PDE11A: variants seen among roughly 807,000 people sequenced by gnomAD.
The protein encoded by PDE11A is dual 3',5'-cyclic-AMP and -GMP phosphodiesterase 11A.
A neutral mutation model predicts 100.5 loss-of-function variants in PDE11A; 100 were observed. That is an observed-to-expected ratio of 1.00 (90% CI 0.85 to 1.18). The LOEUF (loss-of-function observed/expected upper bound fraction) is 1.18, where lower values mean the gene tolerates loss of function less well. PDE11A is among the 50% of genes most tolerant of loss of function. The pLI, the probability that PDE11A is intolerant of heterozygous loss-of-function variation, is 0.00. For synonymous variants in PDE11A, 381 were observed against 420.8 expected, an observed-to-expected ratio of 0.91 and a Z score of 1.16; for missense variants, 1,141 against 1,152.6, an observed-to-expected ratio of 0.99 and a Z score of 0.15.
intron 2 of PDE11A, among the ~76,000 whole-genome samples, chr2:177,979,611 C>CTTTTT (rs57168619): frequency 6.6e-5 from 7 of 106,856 alleles, no homozygotes; most frequent in African/African-American, 2.5e-4. Flanking sequence ...CTCAGATGAT[C>CTTTTT]TTTTTTTTTT....
In PDE11A at chr2:178,046,516, G is replaced by A. The variant is rs1234231603; in HGVS notation, c.912+25010C>T. 6.7e-5 allele frequency among the ~76,000 whole-genome samples: 10 copies of A among 148,706 alleles called. 1 individual carries two copies. Among genetic ancestry groups the A allele is most frequent in the Admixed American group, 4.0e-4 (6 of 15,124 alleles). ...TTCTACTTAGGTTTCTTGTTTGTTC[G>A]TTTGTTTGTTTGTTTGTTTTTATAA... On this transcript the variant is annotated intron_variant, in intron 1 of 19. Transcript: ENST00000286063.
At chr2:177,718,719 A>T (rs2081480471) in intron 12 of PDE11A, among the ~76,000 whole-genome samples, 1 of 152,148 alleles carries the variant, frequency 6.6e-6, no homozygotes, top group East Asian at 1.9e-4. Context: ...GTTGGCTTAA[A>T]TTTTTTCCTT....
intron 5 of PDE11A, among the ~76,000 whole-genome samples, chr2:177,845,362 C>T (rs1260114940): frequency 6.6e-6 from 1 of 150,596 alleles, no homozygotes; most frequent in Non-Finnish European, 1.5e-5. Flanking sequence ...GGGGTCTCGG[C>T]CGGGCAGAGG....
chr2:177,836,160 C>A (rs1412138705), intron 6 of PDE11A, among the ~76,000 whole-genome samples: 2 of 152,226 alleles, frequency 1.3e-5, no homozygotes, highest in Non-Finnish European at 2.9e-5. Flanking sequence ...CTTGGAGAAC[C>A]TTTATGTCTA....
At chr2:177,808,671 G>A (rs1445589784) in intron 9 of PDE11A, among the ~76,000 whole-genome samples, 1 of 152,154 alleles carries the variant, frequency 6.6e-6, no homozygotes, top group African/African-American at 2.4e-5. Context: ...GATGTGACAT[G>A]CTAGCAGACA....
chr2:177,932,347 A>G (rs2085218560), intron 2 of PDE11A, among the ~76,000 whole-genome samples: 1 of 152,196 alleles, frequency 6.6e-6, no homozygotes, highest in African/African-American at 2.4e-5. Context: ...TGGTAAAGAC[A>G]CAATGAAAAA....
intron 1 of PDE11A, among the ~76,000 whole-genome samples, chr2:178,066,330 G>A (rs1027625668): frequency 2.0e-5 from 3 of 152,180 alleles, no homozygotes; most frequent in African/African-American, 7.2e-5. Flanking sequence ...CATGTGACCA[G>A]TGCAGTGGCA....
chr2:177,651,151 T>C (rs190250419), intron 19 of PDE11A, among the ~76,000 whole-genome samples: 86 of 152,316 alleles, frequency 5.6e-4, no homozygotes, highest in Non-Finnish European at 1.0e-3. Context: ...AAAGTTAGTC[T>C]TGAGCACATA....
At chr2:177,633,589 TATG>T (rs2079989301) in intron 19 of PDE11A, among the ~76,000 whole-genome samples, 1 of 152,232 alleles carries the variant, frequency 6.6e-6, no homozygotes, top group African/African-American at 2.4e-5. Flanking sequence ...AGTTATTTCA[TATG>T]ATAATAAAAC....
chr2:177,631,575 A>G (rs1345141869), intron 19 of PDE11A, among the ~76,000 whole-genome samples: 2 of 23,902 alleles, frequency 8.4e-5, no homozygotes, highest in African/African-American at 2.7e-4. Context: ...ATATACATGT[A>G]TATATATATA....
At chr2:177,955,009 C>A (rs1421699296) in intron 2 of PDE11A, among the ~76,000 whole-genome samples, 2 of 152,130 alleles carry the variant, frequency 1.3e-5, no homozygotes, top group East Asian at 1.9e-4. Flanking sequence ...ACATCAGGAC[C>A]AGTGGAGCAT....
rs1609094 is a variant in PDE11A, at chr2:177,943,481, T to A, written c.1072-38294A>T. ...GAATTTTCATTCCTTTAATGATAAA[T>A]GATGTTGAGCATCTTTCCACATATG... is the stretch of plus-strand genomic sequence containing the variant. On this transcript the variant is annotated intron_variant, in intron 2 of 19. Transcript: ENST00000286063. Among the ~76,000 whole-genome samples, 686 of 152,360 alleles carry A rather than the reference T, an allele frequency of 4.5e-3. 2 individuals are homozygous for A. Among genetic ancestry groups the A allele is most frequent in the African/African-American group, 0.016 (663 of 41,582 alleles).
chr2:177,947,793 T>TAA (rs71010840), intron 2 of PDE11A, among the ~76,000 whole-genome samples: 6 of 26,792 alleles, frequency 2.2e-4, no homozygotes, highest in Non-Finnish European at 2.7e-4. Context: ...AATAAAAAAA[T>TAA]AAAAAAAAAA....
intron 2 of PDE11A, among the ~76,000 whole-genome samples, chr2:178,097,723 C>T (rs1232462668): frequency 6.6e-6 from 1 of 152,048 alleles, no homozygotes; most frequent in Non-Finnish European, 1.5e-5. Flanking sequence ...CTTCAAAATA[C>T]TGATAAAAAT....
intron 1 of PDE11A, among the ~76,000 whole-genome samples, chr2:178,064,784 T>G (rs1455124994): frequency 1.3e-5 from 2 of 151,902 alleles, no homozygotes; most frequent in Non-Finnish European, 2.9e-5. Flanking sequence ...CATAGTAAGA[T>G]CTTGTCTCTA....
At chr2:178,060,185 A>G (rs972786127) in intron 1 of PDE11A, among the ~76,000 whole-genome samples, 3 of 152,200 alleles carry the variant, frequency 2.0e-5, no homozygotes, top group African/African-American at 7.2e-5. Flanking sequence ...CCATCTATCA[A>G]TCAGGAAGAC....
intron 2 of PDE11A, chr2:178,092,528 T>C (rs1279801800): frequency 6.6e-6 from 1 of 152,228 alleles, no homozygotes; most frequent in East Asian, 1.9e-4. Context: ...TTTCAAATAC[T>C]GAATAAGATC....
At chr2:178,050,084 C>A (rs1430008112) in intron 1 of PDE11A, among the ~76,000 whole-genome samples, 1 of 152,178 alleles carries the variant, frequency 6.6e-6, no homozygotes, top group Non-Finnish European at 1.5e-5. Flanking sequence ...AGTAGCCTAA[C>A]TGGGAGGCGC....
intron 11 of PDE11A, 27 bp from the exon 12 acceptor site, chr2:177,727,792 A>G: frequency 7.3e-7 from 1 of 1,378,542 alleles, no homozygotes; most frequent in Non-Finnish European, 1.0e-6. Flanking sequence ...AGGGTGCGTC[A>G]GGCAGTTGTA....
Sources: allele counts gnomAD v4.1 joint callset (sites outside exome capture counted in the v4.1 genomes callset), GRCh38; gene constraint gnomAD v4.1.1; transcripts MANE v1.5; gene names NCBI Gene and HGNC (gene_info 2026-07-23, HGNC 2026-07-21).